The following ALDH3A2 variants were observed in gnomAD, a reference collection of about 807,000 sequenced individuals.
ALDH3A2 encodes the protein aldehyde dehydrogenase 3 family member A2.
ALDH3A2 carries 36 observed loss-of-function variants against 51.3 expected under a neutral mutation model. That is an observed-to-expected ratio of 0.70 (90% CI 0.54 to 0.93). The LOEUF is 0.93. ALDH3A2 is among the 40% of genes least tolerant of loss of function. The probability of loss-of-function intolerance (pLI) is 0.00; values close to 1 mark genes in which losing one functional copy is unlikely to be tolerated. For missense variants in ALDH3A2, 552 were observed against 603.1 expected, an observed-to-expected ratio of 0.92 and a Z score of 0.89; for synonymous variants, 199 against 219.8, an observed-to-expected ratio of 0.91 and a Z score of 0.84.
intron 4 of ALDH3A2, 102 bp downstream of exon 4, chr17:19,656,676 A>G: frequency 8.6e-7 from 1 of 1,156,186 alleles, no homozygotes; most frequent in Admixed American, 2.0e-5. Flanking sequence ...TATGGCTCCA[A>G]GATACATTAT....
chr17:19,658,652 TGGCAAGAATCGCTTGAACCCGGGA>T (rs1374480168), intron 5 of ALDH3A2, among the ~76,000 whole-genome samples: 151 of 151,466 alleles, frequency 1.0e-3, no homozygotes, highest in African/African-American at 3.5e-3. Context: ...GCTTGAACCC[TGGCAAGAATCGCTTGAACCCGGGA>T]GGCAAAGGTT....
chr17:19,660,372 C>T (rs1038875424), intron 5 of ALDH3A2, among the ~76,000 whole-genome samples: 6 of 152,032 alleles, frequency 3.9e-5, no homozygotes, highest in African/African-American at 1.5e-4. Flanking sequence ...CCAGTGATTC[C>T]GACCACCCAG....
intron 8 of ALDH3A2, among the ~76,000 whole-genome samples, chr17:19,667,822 G>C (rs35797108): frequency 0.21 from 31,204 of 152,130 alleles, 3,635 homozygotes; most frequent in East Asian, 0.39. Flanking sequence ...GCCTCCCAAA[G>C]TGCTGGGATT....
In ALDH3A2 at chr17:19,676,917, C is replaced by A. The variant is rs1447308132; in HGVS notation, c.*1345C>A. On this transcript the variant is annotated 3_prime_UTR_variant, in exon 10 of 10. Transcript: ENST00000176643. Reference sequence around the variant, plus strand: ...TTTGGGGTTTGAGAGCATCATGGGGCAGACAGATGGTGGATGGTCTGGACA... The same window carrying A: ...TTTGGGGTTTGAGAGCATCATGGGGAAGACAGATGGTGGATGGTCTGGACA... 1 of 152,184 alleles carries A rather than the reference C, an allele frequency of 6.6e-6. No individual in the cohort carries two copies. The highest frequency in any genetic ancestry group is 2.4e-5 in the African/African-American group (1 of 41,422). 9.4% of individuals were successfully genotyped at this position (152,184 alleles called of 1,614,324 possible). A position where few individuals can be genotyped will look rare whatever the true frequency, so the allele number is the denominator to read the frequency against.
In ALDH3A2 at chr17:19,661,268, G is replaced by C. The variant is rs1221076107; in HGVS notation, c.940G>C (p.Ala314Pro). ...GACTGATGAGGCCACACGCTACATA[G>C]GTAATGGAAATTCTCCTTTTCCTAT... ...GETDEATRYI[A>P]PTVLTDVDPK... The change falls in exon 6 of 10, where the codon GCC becomes CCC. Residue 314 changes from alanine to proline, a missense_variant and splice_region_variant. Transcript: ENST00000176643. The C allele has an allele frequency of 1.3e-5, 21 of 1,613,990 alleles. No individual in the cohort carries two copies. Among genetic ancestry groups the C allele is most frequent in the Non-Finnish European group, 1.8e-5 (21 of 1,180,018 alleles).
chr17:19,654,756 G>A lies in ALDH3A2; in HGVS notation c.472-1610G>A, dbSNP rs968818407. ...CTCCAGCCTTGGCCAGCCCAGAGAG[G>A]GGCTCCCACAGTGCAGCTGTGGGCT... On this transcript the variant is annotated intron_variant, in intron 3 of 9. Transcript: ENST00000176643. This position sits in a 1 kb window ranked among gnomAD's most constrained non-coding sequence, Gnocchi z 4.5. Among the ~76,000 whole-genome samples the A allele has an allele frequency of 3.9e-5, 6 of 152,118 alleles. No homozygotes were observed. The highest frequency in any genetic ancestry group is 1.4e-4 in the African/African-American group (6 of 41,432).
intron 9 of ALDH3A2, chr17:19,674,523 C>T: frequency 6.6e-6 from 1 of 152,186 alleles, no homozygotes; most frequent in East Asian, 1.9e-4. Flanking sequence ...TGGTTTGATT[C>T]CTGGCTCAAT....
chr17:19,671,739 C>A lies in ALDH3A2; in HGVS notation c.1226C>A (p.Ala409Asp). 1 of 1,614,018 alleles carries A rather than the reference C, an allele frequency of 6.2e-7. No homozygotes were observed. The highest frequency in any genetic ancestry group is 8.5e-7 in the Non-Finnish European group (1 of 1,179,910). ...FGGVGSSGMG[A>D]YHGKHSFDTF... ...ATTTCAGGTTCCAGTGGGATGGGAG[C>A]TTATCACGGAAAACATAGTTTTGAT... is the stretch of plus-strand genomic sequence containing the variant. The change falls in exon 9 of 10, where the codon GCT becomes GAT. Residue 409 changes from alanine to aspartate, a missense_variant. Ala to Asp is a moderately radical substitution (Grantham distance 126). Transcript: ENST00000176643.
At chr17:19,665,164 G>C in intron 8 of ALDH3A2, 117 bp downstream of exon 8, 1 of 894,298 alleles carries the variant, frequency 1.1e-6, no homozygotes, top group South Asian at 1.4e-5. Flanking sequence ...GTCCTCTCCT[G>C]AGGGAGACCT....
At chr17:19,656,718 A>G (rs2084903027) in intron 4 of ALDH3A2, 144 bp downstream of exon 4, 1 of 853,492 alleles carries the variant, frequency 1.2e-6, no homozygotes, top group Non-Finnish European at 1.9e-6. Flanking sequence ...CTCAAGAGTA[A>G]CAGGAGTCTT....
At chr17:19,662,012 A>G (rs1356492750) in intron 6 of ALDH3A2, 1 of 151,990 alleles carries the variant, frequency 6.6e-6, no homozygotes, top group East Asian at 1.9e-4. Context: ...GATTCTTTGT[A>G]CTAGGATGCA....
chr17:19,657,966 T>G (rs2084919404), intron 5 of ALDH3A2, 104 bp downstream of exon 5: 2 of 910,174 alleles, frequency 2.2e-6, no homozygotes, highest in African/African-American at 3.3e-5. Context: ...CAGGAAAATT[T>G]CAAAATCATA....
At chr17:19,663,229 G>A (rs1789359396) in intron 6 of ALDH3A2, 104 bp from the exon 7 acceptor site, 1 of 1,327,686 alleles carries the variant, frequency 7.5e-7, no homozygotes, top group Non-Finnish European at 1.1e-6. Flanking sequence ...GACTTGGGTG[G>A]GAGAGGGAAA....
chr17:19,648,742 G>A (rs1261365038), upstream of ALDH3A2: 2 of 607,382 alleles, frequency 3.3e-6, no homozygotes, highest in East Asian at 2.8e-5. Flanking sequence ...GAGGCTTTGG[G>A]TCGAGCTCAG....
intron 7 of ALDH3A2, 43 bp downstream of exon 7, chr17:19,663,542 A>G (rs757218293): frequency 1.6e-5 from 25 of 1,596,282 alleles, no homozygotes; most frequent in Non-Finnish European, 2.1e-5. Context: ...AGCAACTGTC[A>G]AGAGTCATGT....
intron 9 of ALDH3A2, chr17:19,672,285 C>T: frequency 2.6e-6 from 1 of 380,348 alleles, no homozygotes; most frequent in Non-Finnish European, 4.9e-6. Context: ...AACTTGATTG[C>T]AGAATTCTGA....
In ALDH3A2 at chr17:19,651,471, G is replaced by T. The variant is rs1390122703; in HGVS notation, c.154-76G>T. 7.6e-6 allele frequency: 9 copies of T among 1,187,612 alleles called. No individual in the cohort carries two copies. In the African/African-American group the frequency reaches 1.2e-4, roughly 16 times the overall value. 73.6% of individuals were successfully genotyped at this position (1,187,612 alleles called of 1,614,324 possible). On this transcript the variant is annotated intron_variant, in intron 1 of 9. Transcript: ENST00000176643. ...GTTGTTGTCACTACAGGTGTACCTG[G>T]TGTGAGTGTTCTGACATTCAGGGCC...
Position 19,656,533 on chromosome 17 carries a change from A to G in ALDH3A2, c.639A>G (p.Pro213=), listed in dbSNP as rs140649688. ...PVTLELGGKS[P]CYIDKDCDLD... ...CTCTTGAACTGGGAGGGAAAAGTCC[A>G]TGTTATATTGATAAAGATTGTGACC... Residue 213 remains proline, a synonymous_variant, in exon 4 of 10, where the codon CCA becomes CCG. Coordinates refer to ENST00000176643, the MANE Select transcript of ALDH3A2 (RefSeq NM_000382.3). 2.4e-4 allele frequency: 384 copies of G among 1,613,936 alleles called. No individual in the cohort carries two copies. The highest frequency in any genetic ancestry group is 2.8e-4 in the Non-Finnish European group (334 of 1,179,996).
At chr17:19,656,307 G>C in intron 3 of ALDH3A2, 59 bp from the exon 4 acceptor site, 2 of 1,393,662 alleles carry the variant, frequency 1.4e-6, no homozygotes, top group South Asian at 2.4e-5. Flanking sequence ...AGAGATTGCT[G>C]ATGTTAGACG....
Sources: allele counts gnomAD v4.1 joint callset (sites outside exome capture counted in the v4.1 genomes callset), GRCh38; gene constraint gnomAD v4.1.1; non-coding constraint Gnocchi (gnomAD v3.1); transcripts MANE v1.5; gene names NCBI Gene and HGNC (gene_info 2026-07-23, HGNC 2026-07-21).